Variants in PDE8A observed in about 807,000 individuals in gnomAD.
PDE8A encodes high affinity cAMP-specific and IBMX-insensitive 3',5'-cyclic phosphodiesterase 8A.
Under a neutral mutation model 105.0 loss-of-function variants are expected in PDE8A, and 59 were observed. That is an observed-to-expected ratio of 0.56 (90% CI 0.46 to 0.70). The LOEUF is 0.70. Ranked by LOEUF, PDE8A falls within the 30% of genes least tolerant of loss-of-function variation. The pLI, the probability that PDE8A is intolerant of heterozygous loss-of-function variation, is 0.00. For synonymous variants in PDE8A, 355 were observed against 371.9 expected, an observed-to-expected ratio of 0.95 and a Z score of 0.52; for missense variants, 1,014 against 1,045.9, an observed-to-expected ratio of 0.97 and a Z score of 0.42.
chr15:85,035,903 G>A (rs569130024), intron 1 of PDE8A, among the ~76,000 whole-genome samples: 22 of 152,276 alleles, frequency 1.4e-4, no homozygotes, highest in African/African-American at 5.3e-4. Context: ...GAAATAGTGT[G>A]CATATGTAAC....
At chr15:85,110,431 A>G (rs1185669301) in intron 12 of PDE8A, among the ~76,000 whole-genome samples, 2 of 152,202 alleles carry the variant, frequency 1.3e-5, no homozygotes, top group African/African-American at 4.8e-5. Flanking sequence ...CACCCAAAAT[A>G]GATATAGAAA....
At chr15:84,981,169 A>G (rs2079700635), upstream of PDE8A, among the ~76,000 whole-genome samples, 1 of 152,188 alleles carries the variant, frequency 6.6e-6, no homozygotes. Context: ...TGGCCTCGGG[A>G]CGGAGGTGGC....
intron 1 of PDE8A, among the ~76,000 whole-genome samples, chr15:85,046,884 T>A (rs1253434529): frequency 6.6e-6 from 1 of 152,246 alleles, no homozygotes; most frequent in African/African-American, 2.4e-5. Context: ...ATAATTTGTT[T>A]CATATATCTG....
chr15:85,043,043 A>G (rs1370929489), intron 1 of PDE8A, among the ~76,000 whole-genome samples: 2 of 152,106 alleles, frequency 1.3e-5, no homozygotes, highest in Non-Finnish European at 2.9e-5. Flanking sequence ...TCAGGATGCT[A>G]GTAGTGATCA....
Position 85,100,084 on chromosome 15 carries a change from C to G in PDE8A, c.993+18C>G, listed in dbSNP as rs1235887031. ...ACAATAAGGTACGTAAGGAGAGCCC[C>G]CCGGGGCCCCAGGAACACCCCAGCA... On this transcript the variant is annotated intron_variant, in intron 10 of 21. Coordinates refer to ENST00000394553, the MANE Select transcript of PDE8A (RefSeq NM_002605.3). 3 of 1,613,606 alleles carry G rather than the reference C, an allele frequency of 1.9e-6. No individual in the cohort carries two copies. Among genetic ancestry groups the G allele is most frequent in the Non-Finnish European group, 2.5e-6 (3 of 1,179,598 alleles).
chr15:85,004,475 T>C (rs1014543), intron 1 of PDE8A, among the ~76,000 whole-genome samples: 129,263 of 152,194 alleles, frequency 0.85, 55,124 homozygotes, highest in Non-Finnish European at 0.87. Context: ...TGGGTGAGAA[T>C]AGGCTTAGAG....
At chr15:85,007,179 AG>A (rs1035912642) in intron 1 of PDE8A, among the ~76,000 whole-genome samples, 6 of 152,086 alleles carry the variant, frequency 3.9e-5, no homozygotes, top group African/African-American at 1.4e-4. Context: ...AAAGCATTAG[AG>A]GGGGACTAGG....
At chr15:85,085,928 C>T (rs1450207990) in intron 6 of PDE8A, among the ~76,000 whole-genome samples, 2 of 147,570 alleles carry the variant, frequency 1.4e-5, no homozygotes, top group East Asian at 4.1e-4. Context: ...AGGATAATCA[C>T]TGGAACCCGG....
intron 1 of PDE8A, among the ~76,000 whole-genome samples, chr15:85,038,525 G>A (rs376952145): frequency 7.4e-4 from 113 of 152,186 alleles, no homozygotes; most frequent in African/African-American, 2.4e-3. Context: ...TTCTGTACTC[G>A]GCAAAGGAAA....
intron 19 of PDE8A, 92 bp downstream of exon 19, chr15:85,123,285 A>C: frequency 1.7e-6 from 2 of 1,199,918 alleles, no homozygotes. Flanking sequence ...CAGCCACAGA[A>C]GGGTTCCCTC....
intron 1 of PDE8A, among the ~76,000 whole-genome samples, chr15:85,054,118 G>A (rs1010412852): frequency 2.6e-5 from 4 of 152,060 alleles, no homozygotes; most frequent in Admixed American, 6.6e-5. Context: ...GCTGGATTAC[G>A]TTTATTGGTT....
intron 1 of PDE8A, among the ~76,000 whole-genome samples, chr15:85,036,019 C>G (rs1352774633): frequency 6.6e-6 from 1 of 152,060 alleles, no homozygotes; most frequent in African/African-American, 2.4e-5. Flanking sequence ...CTGACAACAC[C>G]AAAAAACAGT....
At chr15:85,001,420 C>T (rs1180756407) in intron 1 of PDE8A, among the ~76,000 whole-genome samples, 2 of 152,146 alleles carry the variant, frequency 1.3e-5, no homozygotes, top group Admixed American at 6.5e-5. Context: ...AGGGTTCCAA[C>T]TGTCAAAGTC....
At chr15:85,095,499 A>T (rs934213876) in intron 8 of PDE8A, among the ~76,000 whole-genome samples, 11 of 151,776 alleles carry the variant, frequency 7.2e-5, no homozygotes, top group Non-Finnish European at 1.3e-4. Flanking sequence ...GCCTACCAGC[A>T]CGCCTGGCTA....
At chr15:85,024,839 G>A (rs2080487553) in intron 1 of PDE8A, among the ~76,000 whole-genome samples, 1 of 152,078 alleles carries the variant, frequency 6.6e-6, no homozygotes, top group African/African-American at 2.4e-5. Flanking sequence ...GTGTTAATGG[G>A]GCTGCCGCTG....
At chr15:85,007,575 C>A (rs184007555) in intron 1 of PDE8A, among the ~76,000 whole-genome samples, 9 of 151,846 alleles carry the variant, frequency 5.9e-5, no homozygotes, top group African/African-American at 2.2e-4. Flanking sequence ...ACTTCGGTGC[C>A]CCACCACATT....
intron 1 of PDE8A, among the ~76,000 whole-genome samples, chr15:85,061,054 G>C (rs1486201773): frequency 6.6e-6 from 1 of 151,874 alleles, no homozygotes; most frequent in Non-Finnish European, 1.5e-5. Context: ...TCATTCTGGA[G>C]ATGTCTTAAT....
chr15:84,993,725 A>AAATAAT (rs2079929589), intron 1 of PDE8A, among the ~76,000 whole-genome samples: 1 of 149,892 alleles, frequency 6.7e-6, no homozygotes, highest in African/African-American at 2.4e-5. Context: ...CTATAAAAAA[A>AAATAAT]AATAATAATA....
At chr15:85,135,206 A>G (rs2082389722) in intron 20 of PDE8A, among the ~76,000 whole-genome samples, 1 of 152,038 alleles carries the variant, frequency 6.6e-6, no homozygotes, top group Admixed American at 6.5e-5. Flanking sequence ...GCCATTTGGG[A>G]GCTGGAAGTT....
Sources: allele counts gnomAD v4.1 joint callset (sites outside exome capture counted in the v4.1 genomes callset), GRCh38; gene constraint gnomAD v4.1.1; transcripts MANE v1.5; gene names NCBI Gene and HGNC (gene_info 2026-07-23, HGNC 2026-07-21).